COLGALT2: variants seen among roughly 807,000 people sequenced by gnomAD.
COLGALT2 encodes collagen beta(1-O)galactosyltransferase 2.
COLGALT2 carries 49 observed loss-of-function variants against 73.4 expected under a neutral mutation model. The ratio of observed to expected loss-of-function variants is 0.67; its 90% CI spans 0.53 to 0.85. The LOEUF is 0.85. Ranked by LOEUF, COLGALT2 falls within the 40% of genes least tolerant of loss-of-function variation. The pLI, the probability that COLGALT2 is intolerant of heterozygous loss-of-function variation, is 0.00. For missense variants in COLGALT2, 722 were observed against 790.2 expected (o/e 0.91, Z 1.03); for synonymous variants, 295 against 307.6 (o/e 0.96, Z 0.43).
intron 10 of COLGALT2, among the ~76,000 whole-genome samples, chr1:183,941,695 G>A (rs1670116842): frequency 6.6e-6 from 1 of 152,164 alleles, no homozygotes; most frequent in African/African-American, 2.4e-5. Flanking sequence ...ACAAGTCTAT[G>A]TTCAATCTTC....
downstream of COLGALT2, among the ~76,000 whole-genome samples, chr1:183,932,027 G>A (rs558012097): frequency 2.6e-5 from 4 of 152,282 alleles, no homozygotes; most frequent in South Asian, 8.3e-4. Flanking sequence ...ATGACCAGCT[G>A]AATAATCAGT....
intron 1 of COLGALT2, among the ~76,000 whole-genome samples, chr1:184,014,324 G>A (rs539623701): frequency 4.6e-5 from 7 of 152,296 alleles, no homozygotes; most frequent in Admixed American, 4.6e-4. Context: ...TCTGAGCGAA[G>A]GCACTGTTAT....
rs761879709 is a variant in COLGALT2, at chr1:183,938,941, C to A, written c.1701G>T (p.Gly567=). 1.2e-6 allele frequency: 2 copies of A among 1,614,128 alleles called. No individual in the cohort carries two copies. Among genetic ancestry groups the A allele is most frequent in the Non-Finnish European group, 1.7e-6 (2 of 1,180,022 alleles). ...TGGAGGTCTCCGTGTCACTCAGGTA[C>A]CCCGGCTGGCCTGTGTAGTGCGTAG... ...IYPTHYTGQP[G]YLSDTETSTI... is the part of the protein sequence containing the mutation. Residue 567 remains glycine (G), a synonymous_variant, in exon 12 of 12, where the codon GGG becomes GGT. Transcript: ENST00000361927.
intron 6 of COLGALT2, among the ~76,000 whole-genome samples, chr1:183,956,339 C>T (rs1670555605): frequency 6.6e-6 from 1 of 152,206 alleles, no homozygotes; most frequent in African/African-American, 2.4e-5. Context: ...TCAAACTTGA[C>T]ACTTACAGTC....
chr1:183,979,983 A>G (rs1316509003), intron 1 of COLGALT2, among the ~76,000 whole-genome samples: 1 of 152,064 alleles, frequency 6.6e-6, no homozygotes, highest in Non-Finnish European at 1.5e-5. Flanking sequence ...CAAATCCACT[A>G]AAAACTCTCT....
chr1:183,951,145 T>C, intron 7 of COLGALT2, 32 bp from the exon 8 acceptor site: 2 of 1,480,350 alleles, frequency 1.4e-6, no homozygotes, highest in South Asian at 1.1e-5. Context: ...AAAAGACACA[T>C]AAATTACTCA....
At chr1:183,986,320 C>T (rs1471188203) in intron 1 of COLGALT2, among the ~76,000 whole-genome samples, 1 of 152,188 alleles carries the variant, frequency 6.6e-6, no homozygotes, top group South Asian at 2.1e-4. Context: ...TCCCAATGAA[C>T]TAAGAAATCA....
intron 1 of COLGALT2, among the ~76,000 whole-genome samples, chr1:183,982,566 T>G (rs12741795): frequency 0.1 from 15,427 of 152,224 alleles, 943 homozygotes; most frequent in Admixed American, 0.17. Flanking sequence ...AAAACAAAAA[T>G]TCCTTATCAC....
At chr1:183,972,639 G>GAACT (rs1298835419) in intron 4 of COLGALT2, among the ~76,000 whole-genome samples, 2 of 150,456 alleles carry the variant, frequency 1.3e-5, no homozygotes, top group Non-Finnish European at 1.5e-5. Context: ...TTCATTATTA[G>GAACT]AACTCTTTGG....
At chr1:183,953,120 T>C (rs1670444821) in intron 7 of COLGALT2, among the ~76,000 whole-genome samples, 1 of 152,062 alleles carries the variant, frequency 6.6e-6, no homozygotes, top group Non-Finnish European at 1.5e-5. Flanking sequence ...ACAAGTGCAA[T>C]AAAACTGTAG....
chr1:183,970,134 T>G (rs1040580827), intron 4 of COLGALT2, among the ~76,000 whole-genome samples: 4 of 152,230 alleles, frequency 2.6e-5, no homozygotes. Context: ...AGTTACTTAG[T>G]CAATATTCTG....
At chr1:184,000,377 C>T (rs10797931) in intron 1 of COLGALT2, among the ~76,000 whole-genome samples, 66,316 of 151,508 alleles carry the variant, frequency 0.44, 19,202 homozygotes, top group African/African-American at 0.81. Context: ...CAGTAGTTAA[C>T]GGCTATCATA....
intron 1 of COLGALT2, among the ~76,000 whole-genome samples, chr1:184,022,563 G>A (rs1649209621): frequency 6.6e-6 from 1 of 152,190 alleles, no homozygotes; most frequent in Non-Finnish European, 1.5e-5. Flanking sequence ...GTAAAACACA[G>A]AGTATGGTTC....
rs201005787 is a variant in COLGALT2, at chr1:184,037,228, C to G, written c.130G>C (p.Val44Leu). The change falls in exon 1 of 12, where the codon GTT (valine) becomes CTT (leucine). Residue 44 changes from valine (V) to leucine (L), a missense_variant. Val to Leu is a conservative substitution (Grantham distance 32, BLOSUM62 1). Coordinates refer to ENST00000361927, the MANE Select transcript of COLGALT2 (RefSeq NM_015101.4). ...DSEDDGEEPVVFPESPLQSPT... is the reference protein window; with the variant it reads ...DSEDDGEEPVLFPESPLQSPT... The stretch of plus-strand genomic sequence containing the variant: ...CTCTGCAGGGGCGACTCCGGGAAAA[C>G]CACCGGCTCCTCTCCGTCGTCCTCC... The G allele has an allele frequency of 3.8e-4, 612 of 1,597,886 alleles. 4 individuals carry two copies. The East Asian group carries it at 0.013, about 34-fold the overall frequency.
intron 6 of COLGALT2, among the ~76,000 whole-genome samples, chr1:183,958,753 A>T (rs562152409): frequency 2.6e-3 from 392 of 149,376 alleles, no homozygotes; most frequent in African/African-American, 9.3e-3. Context: ...CAGGACAAAA[A>T]CCCTCTTGTT....
At chr1:184,036,916 C>A (rs956679155) in intron 1 of COLGALT2, among the ~76,000 whole-genome samples, 179 bp downstream of exon 1, 30 of 152,242 alleles carry the variant, frequency 2.0e-4, no homozygotes, top group African/African-American at 7.2e-4. Context: ...GCAGCCTGAC[C>A]GCCCGATCCG....
intron 5 of COLGALT2, among the ~76,000 whole-genome samples, chr1:183,968,538 G>C (rs1259601823): frequency 6.6e-6 from 1 of 152,194 alleles, no homozygotes; most frequent in Admixed American, 6.5e-5. Context: ...TTCTTCTAGA[G>C]TGTGAAAATT....
At chr1:183,993,655 T>C (rs1671691630) in intron 1 of COLGALT2, among the ~76,000 whole-genome samples, 1 of 152,192 alleles carries the variant, frequency 6.6e-6, no homozygotes, top group African/African-American at 2.4e-5. Context: ...AAGGCATACT[T>C]TAGTCTCTAG....
chr1:184,018,176 T>A (rs1410466948), intron 1 of COLGALT2, among the ~76,000 whole-genome samples: 3 of 152,144 alleles, frequency 2.0e-5, no homozygotes. Context: ...AAACTACTTT[T>A]TAAAAATTAT....
Sources: allele counts gnomAD v4.1 joint callset (sites outside exome capture counted in the v4.1 genomes callset), GRCh38; gene constraint gnomAD v4.1.1; transcripts MANE v1.5; gene names NCBI Gene and HGNC (gene_info 2026-07-23, HGNC 2026-07-21).